NSMCE2: variants seen among roughly 807,000 people sequenced by gnomAD.
NSMCE2 encodes E3 SUMO-protein ligase NSE2.
Under a neutral mutation model 23.8 loss-of-function variants are expected in NSMCE2, and 24 were observed. The ratio of observed to expected loss-of-function variants is 1.01; its 90% CI spans 0.73 to 1.42. NSMCE2 has a LOEUF of 1.42. Among genes scored for constraint, NSMCE2 ranks in the 40% most tolerant of loss-of-function variants. The probability of loss-of-function intolerance (pLI) is 0.00; values close to 1 mark genes in which losing one functional copy is unlikely to be tolerated. For synonymous variants in NSMCE2, 92 were observed against 94.1 expected, an observed-to-expected ratio of 0.98 and a Z score of 0.13; for missense variants, 284 against 296.5, an observed-to-expected ratio of 0.96 and a Z score of 0.31.
At position 125,256,922 on chromosome 8, in the gene NSMCE2, C is replaced by CAAAAA. The variant is rs60308659; in HGVS notation, c.418+74699_418+74703dup. The stretch of plus-strand genomic sequence containing the variant: ...TGGGCGACAAAGCAAGACTCTGTGT[C>CAAAAA]AAAAAAAAAAAAAAAAAAAAAAAAA... On this transcript the variant is annotated intron_variant, in intron 5 of 7. Transcript: ENST00000287437. Among the ~76,000 whole-genome samples the CAAAAA allele has an allele frequency of 1.7e-3, 45 of 26,066 alleles. 10 individuals carry two copies. Among genetic ancestry groups the CAAAAA allele is most frequent in the East Asian group, 2.8e-3 (2 of 716 alleles). The allele number at this position is 26,066 out of a possible 152,430, so 17.1% of individuals were successfully genotyped here.
intron 4 of NSMCE2, among the ~76,000 whole-genome samples, chr8:125,181,849 G>A (rs2130802125): frequency 1.3e-5 from 2 of 152,298 alleles, no homozygotes; most frequent in East Asian, 3.9e-4. Flanking sequence ...CAACAAGTTA[G>A]TAGGATCATT....
At chr8:125,118,123 G>A (rs1819106622) in intron 3 of NSMCE2, among the ~76,000 whole-genome samples, 1 of 152,000 alleles carries the variant, frequency 6.6e-6, no homozygotes, top group East Asian at 1.9e-4. Flanking sequence ...GCCGAGGCGG[G>A]CGGATCACCT....
intron 5 of NSMCE2, among the ~76,000 whole-genome samples, chr8:125,346,159 A>C (rs1830430131): frequency 6.7e-6 from 1 of 149,406 alleles, no homozygotes; most frequent in African/African-American, 2.4e-5. Context: ...CTCCGTCTCA[A>C]AAAAAAAAAA....
At chr8:125,363,575 A>AGGAG (rs1813656119) in intron 7 of NSMCE2, among the ~76,000 whole-genome samples, 1 of 94,618 alleles carries the variant, frequency 1.1e-5, no homozygotes, top group Admixed American at 1.3e-4. Flanking sequence ...AGGGAGGGGG[A>AGGAG]GGAGGGAGGG....
In NSMCE2 at chr8:125,335,704, A is replaced by C. The variant is rs575987204; in HGVS notation, c.419-21515A>C. 4.6e-5 allele frequency among the ~76,000 whole-genome samples: 7 copies of C among 152,366 alleles called. No individual in the cohort carries two copies. The East Asian group carries it at 1.3e-3, about 29-fold the overall frequency. On this transcript the variant is annotated intron_variant, in intron 5 of 7. Coordinates refer to ENST00000287437, the MANE Select transcript of NSMCE2 (RefSeq NM_173685.4). ...AAATGACTAAGGTTCCTTATTTGAC[A>C]GATCATTGACATGGTGACGTGACCC...
chr8:125,326,673 G>A (rs972174304), intron 5 of NSMCE2, among the ~76,000 whole-genome samples: 8 of 152,098 alleles, frequency 5.3e-5, no homozygotes, highest in African/African-American at 1.7e-4. Context: ...TAAAAAAGGC[G>A]GGCCAGGCGC....
intron 3 of NSMCE2, among the ~76,000 whole-genome samples, chr8:125,103,870 A>G (rs906162396): frequency 1.9e-4 from 29 of 151,946 alleles, no homozygotes; most frequent in Admixed American, 1.0e-3. Context: ...CATTGTGTCC[A>G]TATTTTCCTC....
At chr8:125,293,469 A>AGGT (rs1170008841) in intron 5 of NSMCE2, among the ~76,000 whole-genome samples, 4 of 134,490 alleles carry the variant, frequency 3.0e-5, no homozygotes, top group South Asian at 3.1e-4. Flanking sequence ...TTATTTACTG[A>AGGT]CTCCAGTGGG....
intron 3 of NSMCE2, among the ~76,000 whole-genome samples, chr8:125,118,124 C>T (rs551445685): frequency 2.6e-5 from 4 of 151,912 alleles, no homozygotes; most frequent in Admixed American, 6.6e-5. Flanking sequence ...CCGAGGCGGG[C>T]GGATCACCTG....
chr8:125,204,500 C>T (rs1023288110), intron 5 of NSMCE2, among the ~76,000 whole-genome samples: 2 of 152,206 alleles, frequency 1.3e-5, no homozygotes, highest in Non-Finnish European at 2.9e-5. Context: ...TTAACAACCT[C>T]CATCTTTCCT....
intron 5 of NSMCE2, among the ~76,000 whole-genome samples, chr8:125,314,104 T>C (rs1017895664): frequency 2.0e-5 from 3 of 152,334 alleles, no homozygotes; most frequent in African/African-American, 7.2e-5. Flanking sequence ...ATGTAGGAGA[T>C]GATTTGTTCA....
intron 4 of NSMCE2, among the ~76,000 whole-genome samples, chr8:125,174,647 T>A (rs189367514): frequency 6.6e-6 from 1 of 152,326 alleles, no homozygotes. Flanking sequence ...CAAATAACAT[T>A]CTTACCCATG....
chr8:125,350,262 T>C (rs1260572534), intron 5 of NSMCE2, among the ~76,000 whole-genome samples: 2 of 152,194 alleles, frequency 1.3e-5, no homozygotes, highest in African/African-American at 4.8e-5. Flanking sequence ...GTGGCTTCTT[T>C]AGCTTGGGAC....
chr8:125,230,644 C>A (rs1219472829), intron 5 of NSMCE2, among the ~76,000 whole-genome samples: 1 of 152,150 alleles, frequency 6.6e-6, no homozygotes, highest in Non-Finnish European at 1.5e-5. Flanking sequence ...CTATTGTAAG[C>A]TAATCGTATG....
rs796342809 is a variant in NSMCE2, at chr8:125,231,702, T to C, written c.418+49446T>C. Among the ~76,000 whole-genome samples the C allele has an allele frequency of 4.1e-4, 62 of 152,292 alleles. 1 individual carries two copies. The highest frequency in any genetic ancestry group is 3.4e-3 in the Middle Eastern group (1 of 294). On this transcript the variant is annotated intron_variant, in intron 5 of 7. Coordinates refer to ENST00000287437, the MANE Select transcript of NSMCE2 (RefSeq NM_173685.4). The stretch of plus-strand genomic sequence containing the variant: ...CACTTAAACATACAGTTGTATATAC[T>C]GGGTTATGATAAAAATATATATATA...
intron 3 of NSMCE2, 100 bp downstream of exon 3, chr8:125,102,587 T>A: frequency 1.1e-6 from 1 of 888,614 alleles, no homozygotes; most frequent in Non-Finnish European, 1.8e-6. Context: ...GGGAATGATT[T>A]AACCCCTCTA....
At chr8:125,155,977 T>C (rs947422943) in intron 4 of NSMCE2, 2 of 453,896 alleles carry the variant, frequency 4.4e-6, no homozygotes, top group Non-Finnish European at 4.4e-6. Context: ...TAGCAATTGA[T>C]GATAAAATAT....
intron 5 of NSMCE2, among the ~76,000 whole-genome samples, chr8:125,278,921 G>A (rs1469042080): frequency 6.6e-6 from 1 of 151,838 alleles, no homozygotes; most frequent in Non-Finnish European, 1.5e-5. Flanking sequence ...GGATGGGATT[G>A]GAATTAAGGC....
Position 125,334,316 on chromosome 8 carries a change from C to T in NSMCE2, c.419-22903C>T, listed in dbSNP as rs542655190. Among the ~76,000 whole-genome samples the T allele has an allele frequency of 2.6e-5, 4 of 152,232 alleles. No individual in the cohort carries two copies. In the East Asian group the frequency reaches 5.8e-4, roughly 22 times the overall value. On this transcript the variant is annotated intron_variant, in intron 5 of 7. Coordinates refer to ENST00000287437, the MANE Select transcript of NSMCE2 (RefSeq NM_173685.4). ...AAGTACTATCTGTAGCACAGCGCTC[C>T]AGGCTGTGCTAAGTGAGTTACCCAG... is the stretch of plus-strand genomic sequence containing the variant.
Sources: gnomAD v4.1 joint callset for allele counts (sites outside exome capture counted in the v4.1 genomes callset) on GRCh38, gnomAD v4.1.1 for gene constraint, MANE v1.5 for transcripts, NCBI Gene and HGNC (gene_info 2026-07-23, HGNC 2026-07-21) for gene names.